Variants in NUP155 observed in about 807,000 individuals in gnomAD.
NUP155 encodes nuclear pore complex protein Nup155.
A neutral mutation model predicts 180.4 loss-of-function variants in NUP155; 71 were observed. The ratio of observed to expected loss-of-function variants is 0.39; its 90% CI spans 0.33 to 0.48. NUP155 has a LOEUF of 0.48. Among genes scored for constraint, NUP155 ranks in the 20% least tolerant of loss-of-function variants. The pLI is 0.91. For missense variants in NUP155, 1,553 were observed against 1,648.9 expected, an observed-to-expected ratio of 0.94 and a Z score of 1.01; for synonymous variants, 582 against 559.5, an observed-to-expected ratio of 1.04 and a Z score of -0.57.
chr5:37,328,484 A>G, intron 16 of NUP155, 64 bp from the exon 17 acceptor site: 1 of 1,198,126 alleles, frequency 8.3e-7, no homozygotes. Context: ...GAATGTGATC[A>G]AAATTAGGTA....
chr5:37,294,531 T>C (rs1742416168), intron 32 of NUP155, 66 bp from the exon 33 acceptor site: 4 of 1,479,972 alleles, frequency 2.7e-6, no homozygotes, highest in East Asian at 4.6e-5. Context: ...GTAGGTCTTA[T>C]TCATAACTGA....
chr5:37,323,602 ATATAAC>A (rs199934115), intron 20 of NUP155, among the ~76,000 whole-genome samples: 9,188 of 150,082 alleles, frequency 0.061, 329 homozygotes, highest in African/African-American at 0.1. Flanking sequence ...TATTCCATTT[ATATAAC>A]TATATTTCTA....
chr5:37,301,082 C>T, intron 30 of NUP155: 1 of 269,596 alleles, frequency 3.7e-6, no homozygotes, highest in Non-Finnish European at 7.2e-6. Flanking sequence ...CCTCAGCCTC[C>T]CAAAGTGTTG....
At chr5:37,297,217 T>C (rs899404112) in intron 32 of NUP155, among the ~76,000 whole-genome samples, 2 of 152,114 alleles carry the variant, frequency 1.3e-5, no homozygotes, top group African/African-American at 4.8e-5. Flanking sequence ...AGACGGGGCT[T>C]GCTATGCCCA....
intron 32 of NUP155, 75 bp downstream of exon 32, chr5:37,298,792 AT>A: frequency 1.2e-6 from 1 of 806,806 alleles, no homozygotes; most frequent in South Asian, 1.4e-5. Flanking sequence ...TACTCGAAAG[AT>A]CGTTATTTGT....
rs1473878435 is a variant in NUP155 at position 37,370,995 on chromosome 5, C to A, written c.-18G>T. 1.9e-6 allele frequency: 3 copies of A among 1,612,480 alleles called. No individual in the cohort carries two copies. In the Admixed American group the frequency reaches 5.0e-5, roughly 27 times the overall value. ...GACGGCATCTCGGAAATCGTAGACA[C>A]CAGGGTCCAGAAAAAGTCAAAAACC... On this transcript the variant is annotated 5_prime_UTR_variant, in exon 1 of 35. Coordinates refer to ENST00000231498, the MANE Select transcript of NUP155 (RefSeq NM_153485.3).
At chr5:37,313,895 A>G (rs1442663497) in intron 22 of NUP155, among the ~76,000 whole-genome samples, 4 of 152,176 alleles carry the variant, frequency 2.6e-5, no homozygotes, top group Non-Finnish European at 5.9e-5. Context: ...GGGTAGTGAG[A>G]GATAGCTTTT....
chr5:37,351,804 T>C (rs1746479048), intron 5 of NUP155, among the ~76,000 whole-genome samples: 1 of 151,374 alleles, frequency 6.6e-6, no homozygotes, highest in Non-Finnish European at 1.5e-5. Flanking sequence ...ATATACATTT[T>C]AAAATTACTA....
In NUP155 at chr5:37,364,313, T is replaced by C; in HGVS notation, c.229A>G (p.Asn77Asp). The C allele has an allele frequency of 6.2e-7, 1 of 1,612,242 alleles. No homozygotes were observed. Among genetic ancestry groups the C allele is most frequent in the Non-Finnish European group, 8.5e-7 (1 of 1,178,338 alleles). Residue 77 changes from asparagine (N) to aspartate (D), a missense_variant, in exon 2 of 35, where the codon AAC (asparagine) becomes GAC (aspartate). Asn to Asp is a conservative substitution (Grantham distance 23, BLOSUM62 1). Coordinates refer to ENST00000231498, the MANE Select transcript of NUP155 (RefSeq NM_153485.3). The part of the protein sequence containing the change: ...LQGPGLLSVP[N>D]LPEISSIRRV... ...CGGATGGAACTGATCTCTGGAAGGT[T>C]GGGTACGGACAGCAAACCAGGTCCT...
Position 37,305,360 on chromosome 5 carries a change from C to CT in NUP155, c.2904-151_2904-150insA, listed in dbSNP as rs1389137202. The CT allele has an allele frequency of 4.4e-6, 3 of 681,818 alleles. No homozygotes were observed. The East Asian group carries it at 8.1e-5, about 18-fold the overall frequency. The allele number at this position is 681,818 out of a possible 1,614,324, so 42.2% of individuals were successfully genotyped here. On this transcript the variant is annotated intron_variant, in intron 25 of 34. Transcript: ENST00000231498. Reference sequence around the variant, plus strand: ...GGGAGTTCAAGACTAGCCAGGGCAACAGAGCGGGACCACGTCTCTACAAAA... The same window carrying CT: ...GGGAGTTCAAGACTAGCCAGGGCAACTAGAGCGGGACCACGTCTCTACAAAA...
chr5:37,346,458 G>C (rs1746092777), intron 9 of NUP155, among the ~76,000 whole-genome samples: 1 of 152,102 alleles, frequency 6.6e-6, no homozygotes, highest in African/African-American at 2.4e-5. Flanking sequence ...GATCACCTCA[G>C]GTCAGGAGGT....
chr5:37,303,330 G>A lies in NUP155; in HGVS notation c.3247C>T (p.Arg1083Trp), dbSNP rs767440970. 6.2e-6 allele frequency: 10 copies of A among 1,613,838 alleles called. No individual in the cohort carries two copies. The highest frequency in any genetic ancestry group is 5.3e-5 in the African/African-American group (4 of 74,898). ...AAACTTCTGTTCTTCTCGTAATACC[G>A]CCAGAGTAAATCCATATAACGAACT... is the stretch of plus-strand genomic sequence containing the variant. The part of the protein sequence containing the change: ...NRVRYMDLLW[R>W]YYEKNRSFSN... Residue 1083 changes from arginine to tryptophan, a missense_variant, in exon 28 of 35, where the codon CGG becomes TGG. Physicochemically the swap from Arg to Trp is moderately radical, Grantham distance 101. Transcript: ENST00000231498.
chr5:37,359,745 A>C (rs1379634821), intron 3 of NUP155, among the ~76,000 whole-genome samples: 1 of 152,230 alleles, frequency 6.6e-6, no homozygotes, highest in Non-Finnish European at 1.5e-5. Context: ...GAAACAAAGT[A>C]ATCAATAGAA....
intron 3 of NUP155, among the ~76,000 whole-genome samples, chr5:37,361,394 A>G (rs938561361): frequency 4.6e-5 from 7 of 152,184 alleles, no homozygotes; most frequent in Non-Finnish European, 8.8e-5. Flanking sequence ...AGAAGCTCAG[A>G]GAACAAGAAG....
At chr5:37,330,728 A>AAAACAAAC (rs576511756) in intron 14 of NUP155, among the ~76,000 whole-genome samples, 6 of 152,206 alleles carry the variant, frequency 3.9e-5, no homozygotes, top group African/African-American at 1.4e-4. Flanking sequence ...TCATTAAGCC[A>AAAACAAAC]AAACAAACAA....
chr5:37,317,326 T>C (rs550334341), intron 21 of NUP155, among the ~76,000 whole-genome samples: 2 of 151,704 alleles, frequency 1.3e-5, no homozygotes, highest in African/African-American at 2.4e-5. Flanking sequence ...CCGTCTCTTC[T>C]GAAAATACAA....
chr5:37,333,754 A>C, intron 12 of NUP155, 121 bp from the exon 13 acceptor site: 1 of 728,464 alleles, frequency 1.4e-6, no homozygotes, highest in Non-Finnish European at 2.3e-6. Flanking sequence ...AATATTTTTG[A>C]AAGTATTATG....
chr5:37,353,706 T>C (rs1746621877), intron 4 of NUP155, among the ~76,000 whole-genome samples: 1 of 152,212 alleles, frequency 6.6e-6, no homozygotes, highest in African/African-American at 2.4e-5. Flanking sequence ...TATAGTACCA[T>C]ATGATTCCAT....
intron 3 of NUP155, among the ~76,000 whole-genome samples, chr5:37,358,805 T>G (rs1747013417): frequency 6.6e-6 from 1 of 152,012 alleles, no homozygotes; most frequent in Non-Finnish European, 1.5e-5. Context: ...AATCACAAGG[T>G]CAGGAGATTG....
Sources: allele counts gnomAD v4.1 joint callset (sites outside exome capture counted in the v4.1 genomes callset), GRCh38; gene constraint gnomAD v4.1.1; transcripts MANE v1.5; gene names NCBI Gene and HGNC (gene_info 2026-07-23, HGNC 2026-07-21).